Variants in RFX8 observed in about 807,000 individuals in gnomAD.
The protein encoded by RFX8 is regulatory factor X8, also known as DNA-binding protein RFX8.
A neutral mutation model predicts 54.6 loss-of-function variants in RFX8; 46 were observed. The ratio of observed to expected loss-of-function variants is 0.84; its 90% CI spans 0.67 to 1.08. The LOEUF is 1.08. Among genes scored for constraint, RFX8 ranks in the 50% least tolerant of loss-of-function variants. The pLI is 0.00. For synonymous variants in RFX8, 192 were observed against 209.5 expected (o/e 0.92, Z 0.72); for missense variants, 536 against 562.3 (o/e 0.95, Z 0.47).
rs148266956 is a variant in RFX8, at chr2:101,433,599, C to T, written c.73-11127G>A. Among the ~76,000 whole-genome samples, 1,267 of 152,290 alleles carry T rather than the reference C, an allele frequency of 8.3e-3. 9 individuals are homozygous for T. Among genetic ancestry groups the T allele is most frequent in the Non-Finnish European group, 0.011 (730 of 68,020 alleles). ...CTTTTTTTAGTCTAACTACAATTTG[C>T]ATTTACATTCTCAGGTTTTGACATC... On this transcript the variant is annotated intron_variant, in intron 2 of 11. Coordinates refer to ENST00000428343, the MANE Select transcript of RFX8 (RefSeq NM_001145664.2).
Position 101,397,562 on chromosome 2 carries a change from T to C in RFX8, c.1408A>G (p.Asn470Asp). 1 of 1,543,888 alleles carries C rather than the reference T, an allele frequency of 6.5e-7. No homozygotes were observed. The highest frequency in any genetic ancestry group is 2.0e-5 in the Admixed American group (1 of 50,030). ...SSEDIYFREN[N>D]ANV ...AATAAATAATCTCACACATTAGCAT[T>C]GTTTTCTCTGAAATAAATATCTTCA... Residue 470 changes from asparagine (N) to aspartate (D), a missense_variant, in exon 12 of 12, where the codon AAT becomes GAT. Asn to Asp is a conservative substitution (Grantham distance 23). Coordinates refer to ENST00000428343, the MANE Select transcript of RFX8 (RefSeq NM_001145664.2).
intron 2 of RFX8, among the ~76,000 whole-genome samples, chr2:101,454,096 G>A: frequency 6.8e-6 from 1 of 146,674 alleles, no homozygotes; most frequent in Admixed American, 7.1e-5. Context: ...CCCTCCCTGT[G>A]TTCATGTGCT....
Position 101,474,758 on chromosome 2 carries a change from C to T in RFX8, c.-175G>A, listed in dbSNP as rs4851457. ...CGGCTGCCGCTCCCCATCCCAGCCC[C>T]GCCCCACCCCACCCCAAGAGGTTCT... On this transcript the variant is annotated 5_prime_UTR_variant, in exon 1 of 12. Transcript: ENST00000428343. 35,702 of 152,230 alleles carry T rather than the reference C, an allele frequency of 0.23. 4,883 individuals carry two copies. Among genetic ancestry groups the T allele is most frequent in the Admixed American group, 0.42 (6,383 of 15,228 alleles). 9.4% of individuals were successfully genotyped at this position (152,230 alleles called of 1,614,324 possible).
At chr2:101,416,021 T>C (rs1401979963) in intron 6 of RFX8, among the ~76,000 whole-genome samples, 1 of 152,124 alleles carries the variant, frequency 6.6e-6, no homozygotes. Flanking sequence ...CACTGTTGGG[T>C]CATGGGAGTC....
chr2:101,412,964 T>C lies in RFX8; in HGVS notation c.669A>G (p.Ala223=). Residue 223 remains alanine (A), a synonymous_variant, in exon 8 of 12, where the codon GCA becomes GCG. Coordinates refer to ENST00000428343, the MANE Select transcript of RFX8 (RefSeq NM_001145664.2). ...GTTCATCTGCGCCACTCCGGTCACT[T>C]GCCAGGGCTTTCTTAGAAGTAGCCA... ...GTLATSKKAL[A]SDRSGADELE... The C allele has an allele frequency of 5.8e-6, 9 of 1,551,894 alleles. No homozygotes were observed. Among genetic ancestry groups the C allele is most frequent in the Non-Finnish European group, 7.8e-6 (9 of 1,147,024 alleles).
chr2:101,471,608 A>G (rs1008586074), intron 1 of RFX8, among the ~76,000 whole-genome samples: 35 of 152,162 alleles, frequency 2.3e-4, no homozygotes, highest in African/African-American at 8.0e-4. Flanking sequence ...CAGACCTGCT[A>G]GGTCTGCATC....
At chr2:101,450,059 G>T (rs1688594114) in intron 2 of RFX8, among the ~76,000 whole-genome samples, 1 of 152,086 alleles carries the variant, frequency 6.6e-6, no homozygotes, top group African/African-American at 2.4e-5. Flanking sequence ...AACCAGAAAT[G>T]GATTTCTCTG....
chr2:101,417,857 G>C (rs779635299), intron 5 of RFX8, among the ~76,000 whole-genome samples, 173 bp from the exon 6 acceptor site: 4 of 152,108 alleles, frequency 2.6e-5, no homozygotes, highest in Non-Finnish European at 4.4e-5. Context: ...AGGATGTCAG[G>C]CTGGTGCAGC....
intron 2 of RFX8, chr2:101,450,523 T>C: frequency 1.3e-6 from 1 of 744,786 alleles, no homozygotes; most frequent in Non-Finnish European, 2.2e-6. Context: ...CCACCACACT[T>C]GGCCTGAATG....
At chr2:101,402,874 T>G in intron 10 of RFX8, 122 bp from the exon 11 acceptor site, 4 of 873,604 alleles carry the variant, frequency 4.6e-6, no homozygotes, top group South Asian at 1.8e-5. Context: ...TCCAATAGCT[T>G]ACCCAGAAGA....
intron 2 of RFX8, among the ~76,000 whole-genome samples, chr2:101,441,051 C>G (rs1482735427): frequency 6.8e-6 from 1 of 146,794 alleles, no homozygotes; most frequent in East Asian, 2.0e-4. Context: ...ACTGCAAGCT[C>G]TGCCTCCCAG....
intron 1 of RFX8, 159 bp downstream of exon 1, chr2:101,474,477 G>C: frequency 2.9e-6 from 1 of 350,812 alleles, no homozygotes; most frequent in Non-Finnish European, 5.1e-6. Context: ...GAGTACGGGA[G>C]GCCACAGCTC....
intron 2 of RFX8, among the ~76,000 whole-genome samples, chr2:101,458,279 C>T (rs962228883): frequency 6.6e-6 from 1 of 152,170 alleles, no homozygotes; most frequent in Admixed American, 6.5e-5. Flanking sequence ...ATTTTGCCCA[C>T]TAATTGATGC....
intron 6 of RFX8, among the ~76,000 whole-genome samples, chr2:101,417,262 T>C (rs1686579989): frequency 6.6e-6 from 1 of 152,194 alleles, no homozygotes; most frequent in Admixed American, 6.5e-5. Flanking sequence ...TGGAGTGCAG[T>C]GACATGATCA....
At chr2:101,405,864 A>G (rs755844465) in intron 10 of RFX8, 79 bp downstream of exon 10, 5 of 820,328 alleles carry the variant, frequency 6.1e-6, no homozygotes, top group African/African-American at 3.5e-5. Flanking sequence ...GATTCTACAT[A>G]GCAATACGCA....
intron 11 of RFX8, among the ~76,000 whole-genome samples, chr2:101,398,078 G>A (rs894476003): frequency 6.6e-6 from 1 of 152,102 alleles, no homozygotes; most frequent in Non-Finnish European, 1.5e-5. Context: ...GGCTGGTTTC[G>A]AACTCCTGAC....
intron 4 of RFX8, among the ~76,000 whole-genome samples, chr2:101,420,437 G>A (rs137994684): frequency 6.6e-6 from 1 of 151,884 alleles, no homozygotes; most frequent in African/African-American, 2.4e-5. Context: ...CCAGCTACTC[G>A]GTAGGCTGAG....
intron 10 of RFX8, among the ~76,000 whole-genome samples, chr2:101,405,367 G>A (rs1225495672): frequency 2.0e-5 from 3 of 151,874 alleles, no homozygotes; most frequent in African/African-American, 4.8e-5. Flanking sequence ...GGCTGGTCTC[G>A]AACTCCTGAC....
At chr2:101,435,124 C>G (rs1467071830) in intron 2 of RFX8, 1 of 152,392 alleles carries the variant, frequency 6.6e-6, no homozygotes, top group African/African-American at 2.4e-5. Context: ...GTCTGCACAG[C>G]CGCTGTGGAC....
Sources: allele counts gnomAD v4.1 joint callset (sites outside exome capture counted in the v4.1 genomes callset), GRCh38; gene constraint gnomAD v4.1.1; transcripts MANE v1.5; gene names NCBI Gene and HGNC (gene_info 2026-07-23, HGNC 2026-07-21).